Variants in SAXO1 observed in about 807,000 individuals in gnomAD.
SAXO1 encodes 4930500O09Rik.
Under a neutral mutation model 17.5 loss-of-function variants are expected in SAXO1, and 21 were observed. That is an observed-to-expected ratio of 1.20 (90% CI 0.85 to 1.72). The LOEUF (loss-of-function observed/expected upper bound fraction) is 1.72, where lower values mean the gene tolerates loss of function less well. Ranked by LOEUF, SAXO1 falls within the 40% of genes most tolerant of loss-of-function variation. The pLI is 0.00. For missense variants in SAXO1, 843 were observed against 596.0 expected, an observed-to-expected ratio of 1.41 and a Z score of -4.32; for synonymous variants, 274 against 216.5, an observed-to-expected ratio of 1.27 and a Z score of -2.33.
intron 1 of SAXO1, among the ~76,000 whole-genome samples, chr9:18,986,629 G>A (rs572298808): frequency 7.2e-5 from 11 of 151,998 alleles, no homozygotes; most frequent in East Asian, 1.9e-4. Flanking sequence ...AAGGGGGGGC[G>A]GTTCCTCATC....
chr9:18,933,872 CTG>C (rs1831167450), intron 3 of SAXO1, among the ~76,000 whole-genome samples: 1 of 152,064 alleles, frequency 6.6e-6, no homozygotes, highest in East Asian at 1.9e-4. Flanking sequence ...TGGTGAAACC[CTG>C]TCTCTACTAA....
At chr9:18,968,294 C>T (rs1051719980) in intron 1 of SAXO1, among the ~76,000 whole-genome samples, 2 of 152,134 alleles carry the variant, frequency 1.3e-5, no homozygotes, top group African/African-American at 4.8e-5. Context: ...ATCCACCTGC[C>T]TTGGCCTCCC....
intron 1 of SAXO1, among the ~76,000 whole-genome samples, chr9:18,956,825 T>C (rs1832276005): frequency 6.6e-6 from 1 of 152,238 alleles, no homozygotes; most frequent in Non-Finnish European, 1.5e-5. Flanking sequence ...GTGTTTTATA[T>C]ATTATTGCAT....
intron 1 of SAXO1, among the ~76,000 whole-genome samples, chr9:19,019,873 A>C (rs141011102): frequency 6.6e-6 from 1 of 152,220 alleles, no homozygotes; most frequent in African/African-American, 2.4e-5. Context: ...TGAACAACCC[A>C]GAACAAGTAA....
chr9:18,964,172 C>T (rs1456723773), intron 1 of SAXO1, among the ~76,000 whole-genome samples: 1 of 152,158 alleles, frequency 6.6e-6, no homozygotes, highest in African/African-American at 2.4e-5. Context: ...ATTCGGTTTG[C>T]CAGTATTTTA....
chr9:18,960,079 C>T (rs927458506), intron 1 of SAXO1, among the ~76,000 whole-genome samples: 1 of 152,222 alleles, frequency 6.6e-6, no homozygotes, highest in African/African-American at 2.4e-5. Context: ...ATATGTTCAG[C>T]GGCTACTGGA....
rs146734380 is a variant in SAXO1, at chr9:19,022,170, G to A, written c.38+10701C>T. On this transcript the variant is annotated intron_variant, in intron 1 of 3. Transcript: ENST00000380534. The stretch of plus-strand genomic sequence containing the variant: ...GGGAGAAACGAACAACTCCGGAGGC[G>A]CCACCTTTAAGAGCTGTAACACTCA... 1.4e-3 allele frequency among the ~76,000 whole-genome samples: 215 copies of A among 152,238 alleles called. 2 individuals carry two copies. The highest frequency in any genetic ancestry group is 4.9e-3 in the African/African-American group (204 of 41,542).
upstream of SAXO1, among the ~76,000 whole-genome samples, chr9:19,035,458 T>C (rs1278460221): frequency 1.3e-5 from 2 of 152,194 alleles, no homozygotes; most frequent in South Asian, 4.1e-4. Flanking sequence ...AGATATGTCT[T>C]TATCAGCAGC....
intron 1 of SAXO1, among the ~76,000 whole-genome samples, chr9:18,973,065 G>T (rs1182263171): frequency 6.6e-6 from 1 of 152,232 alleles, no homozygotes; most frequent in Non-Finnish European, 1.5e-5. Context: ...AATCAAAGAT[G>T]TGGAGTCAGA....
chr9:19,034,722 T>C (rs1271600681), upstream of SAXO1, among the ~76,000 whole-genome samples: 1 of 152,118 alleles, frequency 6.6e-6, no homozygotes, highest in Non-Finnish European at 1.5e-5. Flanking sequence ...GATGGAAACA[T>C]GGCCAGACAA....
At chr9:19,042,541 C>G (rs184243315) in intron 1 of SAXO1, among the ~76,000 whole-genome samples, 2 of 152,332 alleles carry the variant, frequency 1.3e-5, no homozygotes, top group Non-Finnish European at 2.9e-5. Flanking sequence ...TGGAAGCAAT[C>G]TAAGTGTCTA....
intron 1 of SAXO1, among the ~76,000 whole-genome samples, chr9:18,962,523 G>T (rs1832530271): frequency 6.6e-6 from 1 of 152,190 alleles, no homozygotes; most frequent in Non-Finnish European, 1.5e-5. Context: ...TAGGTTCTGG[G>T]TATTAGCCCT....
chr9:18,991,608 C>G (rs1833816978), intron 1 of SAXO1, among the ~76,000 whole-genome samples: 1 of 152,042 alleles, frequency 6.6e-6, no homozygotes, highest in Non-Finnish European at 1.5e-5. Flanking sequence ...GGAGAAATAC[C>G]TAATGTAAAT....
intron 3 of SAXO1, 54 bp from the exon 4 acceptor site, chr9:18,929,109 A>G: frequency 1.9e-6 from 3 of 1,581,642 alleles, no homozygotes; most frequent in Admixed American, 1.7e-5. Context: ...ACCAACTTGC[A>G]TATATTCTAC....
chr9:18,937,147 C>G (rs1831330025), intron 3 of SAXO1, among the ~76,000 whole-genome samples: 1 of 152,190 alleles, frequency 6.6e-6, no homozygotes, highest in Non-Finnish European at 1.5e-5. Context: ...ACATGTCACC[C>G]AAGGGGTGAT....
chr9:19,021,394 C>G (rs772944233), intron 1 of SAXO1, among the ~76,000 whole-genome samples: 2 of 152,164 alleles, frequency 1.3e-5, no homozygotes, highest in Non-Finnish European at 2.9e-5. Context: ...TTTTGATGAA[C>G]TCAGGAAAAC....
chr9:19,004,581 C>T (rs1025807877), intron 1 of SAXO1, among the ~76,000 whole-genome samples: 2 of 152,110 alleles, frequency 1.3e-5, no homozygotes, highest in Non-Finnish European at 1.5e-5. Flanking sequence ...ATGGATGAAG[C>T]TGGAAACCAT....
intron 3 of SAXO1, among the ~76,000 whole-genome samples, chr9:18,931,095 G>A (rs1009269312): frequency 8.5e-5 from 13 of 152,184 alleles, no homozygotes; most frequent in Non-Finnish European, 1.9e-4. Context: ...TTATGGAGTT[G>A]TATATCCATC....
intron 1 of SAXO1, among the ~76,000 whole-genome samples, chr9:19,017,013 A>G (rs1350948464): frequency 2.0e-5 from 3 of 151,790 alleles, no homozygotes; most frequent in Non-Finnish European, 2.9e-5. Flanking sequence ...TGCAACTTCA[A>G]TGCAGACCAA....
Sources: gnomAD v4.1 joint callset for allele counts (sites outside exome capture counted in the v4.1 genomes callset) on GRCh38, gnomAD v4.1.1 for gene constraint, MANE v1.5 for transcripts, NCBI Gene and HGNC (gene_info 2026-07-23, HGNC 2026-07-21) for gene names.